The following PIGN variants were observed in gnomAD, a reference collection of about 807,000 sequenced individuals.
The protein encoded by PIGN is GPI ethanolamine phosphate transferase 1.
PIGN carries 117 observed loss-of-function variants against 125.4 expected under a neutral mutation model. The observed-to-expected ratio is 0.93, with a 90% confidence interval of 0.80 to 1.09. The LOEUF is 1.09. Ranked by LOEUF, PIGN falls within the 50% of genes least tolerant of loss-of-function variation. The probability of loss-of-function intolerance (pLI) is 0.00; values close to 1 mark genes in which losing one functional copy is unlikely to be tolerated. For missense variants in PIGN, 1,075 were observed against 1,094.9 expected (o/e 0.98, Z 0.26); for synonymous variants, 392 against 377.8 (o/e 1.04, Z -0.44).
At chr18:62,122,872 AATG>A (rs1377841700) in intron 14 of PIGN, among the ~76,000 whole-genome samples, 4 of 152,170 alleles carry the variant, frequency 2.6e-5, no homozygotes, top group Non-Finnish European at 5.9e-5. Context: ...ATAGTATAAT[AATG>A]ATAAATTATT....
At chr18:62,142,012 C>A (rs189669735) in intron 11 of PIGN, among the ~76,000 whole-genome samples, 23 of 152,292 alleles carry the variant, frequency 1.5e-4, no homozygotes, top group Admixed American at 2.6e-4. Context: ...TCTCAGGAAG[C>A]CTTTGCTGAC....
chr18:62,069,779 A>G (rs1046790445), intron 30 of PIGN: 7 of 152,350 alleles, frequency 4.6e-5, no homozygotes, highest in Admixed American at 3.9e-4. Flanking sequence ...GTGTGGTAAT[A>G]GTTGCACAAC....
chr18:62,138,541 T>C (rs141014912), intron 13 of PIGN, among the ~76,000 whole-genome samples: 217 of 152,326 alleles, frequency 1.4e-3, no homozygotes, highest in African/African-American at 3.9e-3. Context: ...AAAACTGTAC[T>C]TCCTTAACTC....
At chr18:62,057,883 C>G (rs1243928804) in intron 30 of PIGN, among the ~76,000 whole-genome samples, 1 of 152,204 alleles carries the variant, frequency 6.6e-6, no homozygotes, top group East Asian at 1.9e-4. Flanking sequence ...GGAAAAGATA[C>G]TTTGCTTAAT....
intron 10 of PIGN, among the ~76,000 whole-genome samples, chr18:62,144,867 G>A (rs149445294): frequency 6.8e-4 from 103 of 152,246 alleles, no homozygotes; most frequent in African/African-American, 2.4e-3. Context: ...TTGGGAGGCT[G>A]GGGCAGGAAG....
At chr18:62,085,632 A>G (rs1361526624) in intron 25 of PIGN, among the ~76,000 whole-genome samples, 1 of 152,220 alleles carries the variant, frequency 6.6e-6, no homozygotes, top group East Asian at 1.9e-4. Flanking sequence ...AGACACAGTT[A>G]TAGTCTATAT....
intron 8 of PIGN, among the ~76,000 whole-genome samples, chr18:62,147,396 A>G (rs1164800073): frequency 3.3e-5 from 5 of 152,194 alleles, no homozygotes; most frequent in African/African-American, 9.6e-5. Context: ...CATGTCTCTC[A>G]CTCTTACTAC....
chr18:62,155,973 T>C (rs2036717637), intron 6 of PIGN, among the ~76,000 whole-genome samples: 2 of 152,232 alleles, frequency 1.3e-5, no homozygotes, highest in South Asian at 4.1e-4. Flanking sequence ...ATATTTTGCT[T>C]CCTGGACACA....
chr18:62,155,368 A>AC (rs904458354), intron 6 of PIGN, among the ~76,000 whole-genome samples: 3 of 151,868 alleles, frequency 2.0e-5, no homozygotes, highest in African/African-American at 2.4e-5. Context: ...GGAGATCGAG[A>AC]CCCCCCTGGC....
At chr18:62,047,578 G>A (rs1479830043) in intron 30 of PIGN, among the ~76,000 whole-genome samples, 1 of 152,122 alleles carries the variant, frequency 6.6e-6, no homozygotes, top group Non-Finnish European at 1.5e-5. Flanking sequence ...CGTAACGCTG[G>A]TCCCTGGCAG....
rs142813822 is a variant in PIGN at position 62,085,532 on chromosome 18, C to T, written c.2371-268G>A. Among the ~76,000 whole-genome samples, 270 of 151,974 alleles carry T rather than the reference C, an allele frequency of 1.8e-3. 2 individuals are homozygous for T. The highest frequency in any genetic ancestry group is 6.0e-3 in the African/African-American group (248 of 41,408). ...TTATTTTCCTCTTCCCTAATATGAG[C>T]AAGGTGGACCATATCTGTAGTGGGC... is the stretch of plus-strand genomic sequence containing the variant. On this transcript the variant is annotated intron_variant, in intron 25 of 30. Transcript: ENST00000640252.
At position 62,187,042 on chromosome 18, in the gene PIGN, A is replaced by G. The variant is rs149176694; in HGVS notation, c.-434T>C. 0.021 allele frequency: 3,202 copies of G among 153,208 alleles called. 32 individuals carry two copies. The highest frequency in any genetic ancestry group is 0.081 in the Middle Eastern group (24 of 298). The allele number at this position is 153,208 out of a possible 1,614,324, so 9.5% of individuals were successfully genotyped here. On this transcript the variant is annotated 5_prime_UTR_variant, in exon 1 of 31. Transcript: ENST00000640252. Reference sequence around the variant, plus strand: ...CAATACCTGCCCGGCCGCTGCTGCTATCGCGATAATTCTCGGGCCAGTCTC... The same window carrying G: ...CAATACCTGCCCGGCCGCTGCTGCTGTCGCGATAATTCTCGGGCCAGTCTC...
rs1237156217 is a variant in PIGN, at chr18:62,113,267, T to C, written c.1301A>G (p.Tyr434Cys). ...AAAGAATCTGTCATATGTGTGATAATAGGACAATCCTTTCAATGCAAGATG... is the reference window on the plus strand; with the variant it reads ...AAAGAATCTGTCATATGTGTGATAACAGGACAATCCTTTCAATGCAAGATG... ...LIHLALKGLSYYHTYDRFFLG... is the reference protein window; with the variant it reads ...LIHLALKGLSCYHTYDRFFLG... The change falls in exon 16 of 31, where the codon TAT (tyrosine) becomes TGT (cysteine). Residue 434 changes from tyrosine to cysteine, a missense_variant. Tyr to Cys is a radical substitution (Grantham distance 194, BLOSUM62 -2). Around this residue, in one of 3 missense-constraint regions of PIGN, gnomAD observed 915 missense variants for 908.7 expected, o/e 1.01. Coordinates refer to ENST00000640252, the MANE Select transcript of PIGN (RefSeq NM_176787.5). The C allele has an allele frequency of 6.2e-6, 10 of 1,612,690 alleles. No homozygotes were observed. In the East Asian group the frequency reaches 6.7e-5, roughly 11 times the overall value.
In PIGN at chr18:62,044,994, G is replaced by A. The variant is rs1043549615; in HGVS notation, c.*862C>T. 15 of 152,028 alleles carry A rather than the reference G, an allele frequency of 9.9e-5. No individual in the cohort carries two copies. Among genetic ancestry groups the A allele is most frequent in the African/African-American group, 3.4e-4 (14 of 41,400 alleles). 9.4% of individuals were successfully genotyped at this position (152,028 alleles called of 1,614,324 possible). A position where few individuals can be genotyped will look rare whatever the true frequency, so the allele number is the denominator to read the frequency against. On this transcript the variant is annotated 3_prime_UTR_variant, in exon 31 of 31. Transcript: ENST00000640252. ...CTTTAATATGAATTCTTATGATATT[G>A]TCAGAAAGTTTAACAGGAGTTATTT...
intron 4 of PIGN, among the ~76,000 whole-genome samples, chr18:62,160,514 T>C (rs1356845685): frequency 6.6e-6 from 1 of 151,544 alleles, no homozygotes; most frequent in African/African-American, 2.4e-5. Flanking sequence ...TTAGCAGACT[T>C]TTTTTTTGTT....
At chr18:62,110,199 T>A in intron 16 of PIGN, 1 of 413,796 alleles carries the variant, frequency 2.4e-6, no homozygotes, top group Non-Finnish European at 4.3e-6. Context: ...ATTAAGCAAT[T>A]CTCAACTTAA....
rs116935641 is a variant in PIGN, at chr18:62,163,091, A to G, written c.-110+440T>C. Among the ~76,000 whole-genome samples the G allele has an allele frequency of 4.1e-3, 629 of 152,272 alleles. 2 individuals are homozygous for G. The highest frequency in any genetic ancestry group is 6.1e-3 in the Non-Finnish European group (412 of 67,986). On this transcript the variant is annotated intron_variant, in intron 2 of 30. Coordinates refer to ENST00000640252, the MANE Select transcript of PIGN (RefSeq NM_176787.5). ...TTGACAGTAATCTTTTTAGTGCATC[A>G]GTCATATTACAGTACTTTAAATTTA...
intron 21 of PIGN, among the ~76,000 whole-genome samples, chr18:62,102,305 C>A (rs1395744199): frequency 6.9e-6 from 1 of 144,134 alleles, no homozygotes; most frequent in Non-Finnish European, 1.5e-5. Context: ...TAGTATGCAG[C>A]GTAACTGGGA....
chr18:62,055,959 A>G (rs946503680), intron 30 of PIGN, among the ~76,000 whole-genome samples: 5 of 150,848 alleles, frequency 3.3e-5, no homozygotes, highest in Admixed American at 3.3e-4. Context: ...TATAATTAGA[A>G]GAAATGATAA....
Sources: allele counts gnomAD v4.1 joint callset (sites outside exome capture counted in the v4.1 genomes callset), GRCh38; gene constraint gnomAD v4.1.1; regional missense constraint gnomAD v4.1.1; transcripts MANE v1.5; gene names NCBI Gene and HGNC (gene_info 2026-07-23, HGNC 2026-07-21).